CLDN18: variants seen among roughly 807,000 people sequenced by gnomAD.
CLDN18 encodes claudin-18.
In CLDN18, 20 loss-of-function variants were observed where a neutral mutation model predicts 25.0. The ratio of observed to expected loss-of-function variants is 0.80; its 90% CI spans 0.56 to 1.16. The LOEUF (loss-of-function observed/expected upper bound fraction) is 1.16, where lower values mean the gene tolerates loss of function less well. Ranked by LOEUF, CLDN18 falls within the 50% of genes most tolerant of loss-of-function variation. The pLI, the probability that CLDN18 is intolerant of heterozygous loss-of-function variation, is 0.00. For missense variants in CLDN18, 297 were observed against 345.4 expected, an observed-to-expected ratio of 0.86 and a Z score of 1.11; for synonymous variants, 125 against 135.6, an observed-to-expected ratio of 0.92 and a Z score of 0.54.
Position 138,023,780 on chromosome 3 carries a change from G to A in CLDN18, c.343G>A (p.Ala115Thr). 1 of 1,614,044 alleles carries A rather than the reference G, an allele frequency of 6.2e-7. No homozygotes were observed. The highest frequency in any genetic ancestry group is 8.5e-7 in the Non-Finnish European group (1 of 1,179,976). The change falls in exon 2 of 5, where the codon GCC (alanine) becomes ACC (threonine). Residue 115 changes from alanine to threonine, a missense_variant. By Grantham distance (58) the Ala-to-Thr change is moderately conservative (BLOSUM62 0). Transcript: ENST00000183605. ...TGGCAGCATGGAGGACTCTGCCAAAGCCAACATGACACTGACCTCCGGGAT... is the reference window on the plus strand; with the variant it reads ...TGGCAGCATGGAGGACTCTGCCAAAACCAACATGACACTGACCTCCGGGAT... ...RIGSMEDSAK[A>T]NMTLTSGIMF...
At chr3:138,015,677 G>A (rs963478735) in intron 1 of CLDN18, among the ~76,000 whole-genome samples, 1 of 151,632 alleles carries the variant, frequency 6.6e-6, no homozygotes, top group African/African-American at 2.4e-5. Context: ...TCAAAGCCAC[G>A]GTGATCATGC....
chr3:137,999,144 T>G (rs1941988213), intron 1 of CLDN18: 1 of 1,510,170 alleles, frequency 6.6e-7, no homozygotes, highest in South Asian at 1.1e-5. Flanking sequence ...GAGAGGAAAC[T>G]GCAGGCTCTG....
intron 3 of CLDN18, among the ~76,000 whole-genome samples, chr3:138,029,019 A>G (rs1219527193): frequency 6.6e-6 from 1 of 152,246 alleles, no homozygotes; most frequent in African/African-American, 2.4e-5. Context: ...ACTTCAACTT[A>G]GTTCCTTCTG....
At chr3:138,025,092 A>G (rs1175649293) in intron 3 of CLDN18, among the ~76,000 whole-genome samples, 2 of 152,252 alleles carry the variant, frequency 1.3e-5, no homozygotes, top group Non-Finnish European at 2.9e-5. Context: ...GGCTAGGAAC[A>G]GGGAAACGTT....
upstream of CLDN18, among the ~76,000 whole-genome samples, chr3:138,005,964 CAT>C (rs1349927348): frequency 2.0e-5 from 3 of 152,094 alleles, no homozygotes; most frequent in Non-Finnish European, 2.9e-5. Flanking sequence ...CTAACACACT[CAT>C]ATTAAATGAT....
At chr3:138,015,617 T>G (rs767132320) in intron 1 of CLDN18, among the ~76,000 whole-genome samples, 39 of 152,100 alleles carry the variant, frequency 2.6e-4, no homozygotes, top group Non-Finnish European at 5.0e-4. Context: ...CCTGTAATCC[T>G]AGAAATGCAG....
At chr3:138,011,628 G>T (rs1051294145) in intron 1 of CLDN18, among the ~76,000 whole-genome samples, 2 of 152,120 alleles carry the variant, frequency 1.3e-5, no homozygotes, top group Non-Finnish European at 2.9e-5. Flanking sequence ...TGCAGGAAAT[G>T]CCACACAGAG....
At chr3:138,024,419 C>T (rs554227859) in intron 2 of CLDN18, among the ~76,000 whole-genome samples, 188 bp from the exon 3 acceptor site, 3 of 152,228 alleles carry the variant, frequency 2.0e-5, no homozygotes, top group Non-Finnish European at 2.9e-5. Context: ...CCACAATTAG[C>T]GATATAAAAC....
In CLDN18 at chr3:138,031,832, G is replaced by A. The variant is rs914322498; in HGVS notation, c.*691G>A. ...TCCACTGGAGTCCTCTTTCTGTCGC[G>A]GGTCAGAAATTGTCCCTAGATGAAT... On this transcript the variant is annotated 3_prime_UTR_variant, in exon 5 of 5. Coordinates refer to ENST00000183605, the MANE Select transcript of CLDN18 (RefSeq NM_016369.4). 5 of 152,024 alleles carry A rather than the reference G, an allele frequency of 3.3e-5. No homozygotes were observed. Among genetic ancestry groups the A allele is most frequent in the African/African-American group, 4.8e-5 (2 of 41,464 alleles). The allele number at this position is 152,024 out of a possible 1,614,324, so 9.4% of individuals were successfully genotyped here.
intron 1 of CLDN18, among the ~76,000 whole-genome samples, chr3:138,019,183 T>C (rs906445614): frequency 3.3e-5 from 5 of 152,222 alleles, no homozygotes; most frequent in Non-Finnish European, 7.3e-5. Flanking sequence ...ACCTCCAGAA[T>C]TGAGGACTTG....
chr3:138,005,203 G>A (rs573883898), upstream of CLDN18: 5 of 151,874 alleles, frequency 3.3e-5, no homozygotes, highest in South Asian at 8.3e-4. Context: ...AACTTGTTGG[G>A]TTTTTTGTTT....
intron 1 of CLDN18, among the ~76,000 whole-genome samples, chr3:138,021,771 C>G (rs1366734108): frequency 6.6e-6 from 1 of 152,150 alleles, no homozygotes; most frequent in African/African-American, 2.4e-5. Flanking sequence ...GGTCCCCTCA[C>G]ATCTGCAAGG....
rs1942219451 is a variant in CLDN18, at chr3:138,017,448, A to G, written c.221-6210A>G. 2.0e-5 allele frequency among the ~76,000 whole-genome samples: 3 copies of G among 152,324 alleles called. No individual in the cohort carries two copies. In the South Asian group the frequency reaches 6.2e-4, roughly 32 times the overall value. ...CTATCAACCTATAAATCATATTTAC[A>G]GACACAGGAATGAAGTTTTAAACCA... On this transcript the variant is annotated intron_variant, in intron 1 of 4. Coordinates refer to ENST00000183605, the MANE Select transcript of CLDN18 (RefSeq NM_016369.4).
At chr3:138,016,559 G>A (rs1942206555) in intron 1 of CLDN18, among the ~76,000 whole-genome samples, 1 of 152,098 alleles carries the variant, frequency 6.6e-6, no homozygotes, top group Non-Finnish European at 1.5e-5. Context: ...CATGTCCCTG[G>A]CTCCATCATG....
At chr3:138,008,998 A>G (rs1942099320), upstream of CLDN18, among the ~76,000 whole-genome samples, 1 of 152,234 alleles carries the variant, frequency 6.6e-6, no homozygotes, top group Non-Finnish European at 1.5e-5. Flanking sequence ...CCAATTCTCT[A>G]GCAAAATTTA....
At chr3:138,018,697 C>T (rs115176265) in intron 1 of CLDN18, among the ~76,000 whole-genome samples, 2,130 of 152,284 alleles carry the variant, frequency 0.014, 37 homozygotes, top group African/African-American at 0.048. Flanking sequence ...GACTTCACCT[C>T]GTAGTAGTAT....
In CLDN18 at chr3:138,031,166, C is replaced by A; in HGVS notation, c.*25C>A. 4 of 1,562,136 alleles carry A rather than the reference C, an allele frequency of 2.6e-6. No individual in the cohort carries two copies. The highest frequency in any genetic ancestry group is 1.8e-5 in the Admixed American group (1 of 56,374). On this transcript the variant is annotated 3_prime_UTR_variant, in exon 5 of 5. Transcript: ENST00000183605. ...ATGCTCTAAGACCTCTCAGCACGGG[C>A]GGAAGAAACTCCCGGAGAGCTCACC...
chr3:138,007,794 A>G (rs1942085537), upstream of CLDN18, among the ~76,000 whole-genome samples: 1 of 152,240 alleles, frequency 6.6e-6, no homozygotes, highest in Non-Finnish European at 1.5e-5. Context: ...GAATTATTCC[A>G]ACAACAGTTT....
At chr3:138,015,735 T>G (rs1457587697) in intron 1 of CLDN18, among the ~76,000 whole-genome samples, 1 of 152,164 alleles carries the variant, frequency 6.6e-6, no homozygotes, top group African/African-American at 2.4e-5. Context: ...CCTCAAAATA[T>G]ATACATAAAT....
Sources: gnomAD v4.1 joint callset for allele counts (sites outside exome capture counted in the v4.1 genomes callset) on GRCh38, gnomAD v4.1.1 for gene constraint, MANE v1.5 for transcripts, NCBI Gene and HGNC (gene_info 2026-07-23, HGNC 2026-07-21) for gene names.